Variants in TADA3 observed in about 807,000 individuals in gnomAD.
TADA3 encodes transcriptional adapter 3.
A neutral mutation model predicts 43.2 loss-of-function variants in TADA3; 25 were observed. The observed-to-expected ratio is 0.58, with a 90% confidence interval of 0.42 to 0.81. The LOEUF (loss-of-function observed/expected upper bound fraction) is 0.81, where lower values mean the gene tolerates loss of function less well. Ranked by LOEUF, TADA3 falls within the 30% of genes least tolerant of loss-of-function variation. The pLI, the probability that TADA3 is intolerant of heterozygous loss-of-function variation, is 0.00. For synonymous variants in TADA3, 235 were observed against 225.5 expected, an observed-to-expected ratio of 1.04 and a Z score of -0.38; for missense variants, 441 against 567.8, an observed-to-expected ratio of 0.78 and a Z score of 2.27.
Position 9,789,868 on chromosome 3 carries a change from G to T in TADA3, c.303C>A (p.Pro101=), listed in dbSNP as rs773639905. The change falls in exon 3 of 9, where the codon CCC becomes CCA. Residue 101 remains proline (P), a synonymous_variant. Transcript: ENST00000301964. ...ELGAPPKHGK[P]KKQKLEGKAG... is the part of the protein sequence containing the mutation. ...CCTTCCCTTCCAGTTTCTGCTTCTT[G>T]GGCTTCCCATGTTTGGGGGGAGCTC... The T allele has an allele frequency of 6.2e-6, 10 of 1,614,204 alleles. No homozygotes were observed. In the South Asian group the frequency reaches 1.1e-4, roughly 18 times the overall value.
chr3:9,787,247 C>G lies in TADA3; in HGVS notation c.658G>C (p.Asp220His). The G allele has an allele frequency of 6.2e-7, 1 of 1,614,234 alleles. No individual in the cohort carries two copies. Among genetic ancestry groups the G allele is most frequent in the Non-Finnish European group, 8.5e-7 (1 of 1,180,050 alleles). The stretch of plus-strand genomic sequence containing the variant: ...GGCCCCATGAGGCCTTTCTTCTTGT[C>G]AGCCACAGCCGCTGCCCGGGCCCCA... Reference protein sequence around the residue: ...KDGARAAAVADKKKGLMGPLT... With the variant: ...KDGARAAAVAHKKKGLMGPLT... Residue 220 changes from aspartate to histidine, a missense_variant, in exon 5 of 9, where the codon GAC becomes CAC. By Grantham distance (81) the Asp-to-His change is moderately conservative. Coordinates refer to ENST00000301964, the MANE Select transcript of TADA3 (RefSeq NM_006354.5).
chr3:9,783,986 T>C (rs778208877), intron 8 of TADA3, 42 bp downstream of exon 8: 3 of 1,581,694 alleles, frequency 1.9e-6, no homozygotes, highest in Admixed American at 3.4e-5. Context: ...GGCCACAGCC[T>C]CCAAGGCCAC....
chr3:9,781,296 T>C (rs996499749), intron 8 of TADA3, among the ~76,000 whole-genome samples: 16 of 151,982 alleles, frequency 1.1e-4, no homozygotes, highest in Admixed American at 3.3e-4. Context: ...TATATATATA[T>C]ACATACACAC....
At chr3:9,785,790 A>G (rs946280083) in intron 6 of TADA3, among the ~76,000 whole-genome samples, 1 of 152,240 alleles carries the variant, frequency 6.6e-6, no homozygotes, top group Non-Finnish European at 1.5e-5. Flanking sequence ...CAGCTAGGCA[A>G]TGCCTGTCCA....
intron 4 of TADA3, chr3:9,787,976 G>A: frequency 6.0e-6 from 2 of 333,908 alleles, no homozygotes; most frequent in South Asian, 4.7e-5. Flanking sequence ...CGAGATACTT[G>A]GTGGGACTGG....
rs141659244 is a variant in TADA3, at chr3:9,791,386, C to A, written c.81G>T (p.Thr27=). Residue 27 remains threonine (T), a synonymous_variant, in exon 2 of 9, where the codon ACG becomes ACT. Coordinates refer to ENST00000301964, the MANE Select transcript of TADA3 (RefSeq NM_006354.5). The stretch of plus-strand genomic sequence containing the variant: ...CATCCTCAGAGCGTGCCAGCACTGC[C>A]GTGTAGCGGGGACAGACCTTCAGGT... ...VDHLKVCPRY[T]AVLARSEDDG... is the part of the protein sequence containing the mutation. The A allele has an allele frequency of 6.2e-7, 1 of 1,614,170 alleles. No homozygotes were observed.
intron 6 of TADA3, among the ~76,000 whole-genome samples, chr3:9,786,624 G>A (rs2078619342): frequency 6.6e-6 from 1 of 152,198 alleles, no homozygotes; most frequent in Non-Finnish European, 1.5e-5. Context: ...GCCTCCAGTG[G>A]GAGGATGTGT....
In TADA3 at chr3:9,784,017, C is replaced by G; in HGVS notation, c.1106+11G>C. 6.2e-7 allele frequency: 1 copy of G among 1,611,796 alleles called. No homozygotes were observed. Among genetic ancestry groups the G allele is most frequent in the Non-Finnish European group, 8.5e-7 (1 of 1,178,244 alleles). ...GCCACCCCCGGGACTGTGCATCCTG[C>G]TAACGCTCACCTCAGCAGGTCGTGC... On this transcript the variant is annotated intron_variant, in intron 8 of 8. Transcript: ENST00000301964.
Position 9,789,741 on chromosome 3 carries a change from G to A in TADA3, c.430C>T (p.Arg144Trp), listed in dbSNP as rs1559721021. 4 of 1,613,684 alleles carry A rather than the reference G, an allele frequency of 2.5e-6. No homozygotes were observed. The highest frequency in any genetic ancestry group is 2.5e-6 in the Non-Finnish European group (3 of 1,179,660). ...EFTDDPIDVP[R>W]IPKNDAPNRF... ...TTGGGGGCATCATTTTTGGGGATCC[G>A]TGGCACGTCGATAGGGTCATCAGTG... Residue 144 changes from arginine (R) to tryptophan (W), a missense_variant, in exon 3 of 9, where the codon CGG becomes TGG. Physicochemically the swap from Arg to Trp is moderately radical, Grantham distance 101 (BLOSUM62 -3). Coordinates refer to ENST00000301964, the MANE Select transcript of TADA3 (RefSeq NM_006354.5).
Position 9,787,125 on chromosome 3 carries a change from A to C in TADA3, c.707-16T>G. 1 of 1,614,142 alleles carries C rather than the reference A, an allele frequency of 6.2e-7. No homozygotes were observed. Among genetic ancestry groups the C allele is most frequent in the African/African-American group, 1.3e-5 (1 of 75,030 alleles). On this transcript the variant is annotated splice_polypyrimidine_tract_variant and intron_variant, in intron 5 of 8. Transcript: ENST00000301964. ...GCATCCACATCTAAGCGGGCACAGG[A>C]AAGGAGGGGAGGTGGGCTGAAGTTC...
At chr3:9,788,175 T>C (rs2078659643) in intron 4 of TADA3, 1 of 154,906 alleles carries the variant, frequency 6.5e-6, no homozygotes, top group Non-Finnish European at 1.4e-5. Context: ...TCCCTCAACA[T>C]TTTTCTGTAT....
At chr3:9,783,841 C>G (rs1470216665) in intron 8 of TADA3, 187 bp downstream of exon 8, 1 of 1,081,214 alleles carries the variant, frequency 9.2e-7, no homozygotes, top group Non-Finnish European at 1.3e-6. Flanking sequence ...GAGCCCCACT[C>G]TGTGGAATCA....
At chr3:9,783,230 T>A (rs1045353669) in intron 8 of TADA3, 9 of 152,036 alleles carry the variant, frequency 5.9e-5, no homozygotes, top group African/African-American at 2.2e-4. Flanking sequence ...AAAAGAAGCA[T>A]GAAAAGACAA....
At chr3:9,782,761 A>C (rs1419248286) in intron 8 of TADA3, among the ~76,000 whole-genome samples, 1 of 148,148 alleles carries the variant, frequency 6.8e-6, no homozygotes, top group Non-Finnish European at 1.5e-5. Context: ...ACTGCACTCC[A>C]GCCTGGGCAA....
In TADA3 at chr3:9,792,433, G is replaced by T; in HGVS notation, c.-245C>A. 1 of 1,095,210 alleles carries T rather than the reference G, an allele frequency of 9.1e-7. No homozygotes were observed. The highest frequency in any genetic ancestry group is 1.1e-6 in the Non-Finnish European group (1 of 893,860). The allele number at this position is 1,095,210 out of a possible 1,614,324, so 67.8% of individuals were successfully genotyped here. A position where few individuals can be genotyped will look rare whatever the true frequency, so the allele number is the denominator to read the frequency against. On this transcript the variant is annotated 5_prime_UTR_variant, in exon 1 of 9. Transcript: ENST00000301964. ...TACGGCCCCAGGGGCCGCGGGAGGGGGCGGGGAGTTCCGGTCGATGTGAGC... is the reference window on the plus strand; with the variant it reads ...TACGGCCCCAGGGGCCGCGGGAGGGTGCGGGGAGTTCCGGTCGATGTGAGC...
chr3:9,784,758 G>A (rs2078565423), intron 7 of TADA3, among the ~76,000 whole-genome samples: 1 of 151,916 alleles, frequency 6.6e-6, no homozygotes, highest in Admixed American at 6.6e-5. Flanking sequence ...ACAGCTACTT[G>A]GTGGCTGAGG....
Position 9,792,203 on chromosome 3 carries a change from C to T in TADA3, c.-28+13G>A, listed in dbSNP as rs192751110. The stretch of plus-strand genomic sequence containing the variant: ...GTCTGAATCTGAAAAATGGGGATAA[C>T]AATAGTACCTACCTCCCTGGGATGT... On this transcript the variant is annotated intron_variant, in intron 1 of 8. Coordinates refer to ENST00000301964, the MANE Select transcript of TADA3 (RefSeq NM_006354.5). 1.6e-3 allele frequency: 243 copies of T among 152,882 alleles called. 3 individuals are homozygous for T. The highest frequency in any genetic ancestry group is 0.01 in the Admixed American group (160 of 15,314). 9.5% of individuals were successfully genotyped at this position (152,882 alleles called of 1,614,324 possible). A position where few individuals can be genotyped will look rare whatever the true frequency, so the allele number is the denominator to read the frequency against.
chr3:9,784,890 A>T (rs2078570882), intron 7 of TADA3, among the ~76,000 whole-genome samples: 1 of 152,032 alleles, frequency 6.6e-6, no homozygotes, highest in Admixed American at 6.6e-5. Context: ...AAAAGAAAAA[A>T]AGAAATATAT....
chr3:9,780,570 G>T (rs745328298), intron 8 of TADA3, 21 bp from the exon 9 acceptor site: 2 of 1,592,484 alleles, frequency 1.3e-6, no homozygotes, highest in South Asian at 2.2e-5. Context: ...CAGCCAGCCA[G>T]GTGCCAGGGT....
Sources: allele counts gnomAD v4.1 joint callset (sites outside exome capture counted in the v4.1 genomes callset), GRCh38; gene constraint gnomAD v4.1.1; transcripts MANE v1.5; gene names NCBI Gene and HGNC (gene_info 2026-07-23, HGNC 2026-07-21).